PANK1: variants seen among roughly 807,000 people sequenced by gnomAD.
PANK1 encodes pantothenic acid kinase 1.
In PANK1, 18 loss-of-function variants were observed where a neutral mutation model predicts 40.1. The ratio of observed to expected loss-of-function variants is 0.45; its 90% CI spans 0.31 to 0.67. The LOEUF (loss-of-function observed/expected upper bound fraction) is 0.67. Among genes scored for constraint, PANK1 ranks in the 30% least tolerant of loss-of-function variants. The probability of loss-of-function intolerance (pLI) is 0.06; values close to 1 mark genes in which losing one functional copy is unlikely to be tolerated. For synonymous variants in PANK1, 242 were observed against 237.7 expected (o/e 1.02, Z -0.17); for missense variants, 457 against 599.6 (o/e 0.76, Z 2.48).
chr10:89,582,930 A>G (rs1465264960), downstream of PANK1: 1 of 152,224 alleles, frequency 6.6e-6, no homozygotes, highest in East Asian at 1.9e-4. Flanking sequence ...TCATGGTACA[A>G]AGCAGATACT....
chr10:89,599,639 T>C (rs1844715612), intron 2 of PANK1, 134 bp from the exon 3 acceptor site: 1 of 863,078 alleles, frequency 1.2e-6, no homozygotes. Context: ...AGTTGTAAAA[T>C]CTTGCAGATA....
chr10:89,643,866 TA>T lies in PANK1; in HGVS notation c.292+733del, dbSNP rs1314783489. On this transcript the variant is annotated intron_variant, in intron 1 of 6. Coordinates refer to ENST00000307534, the MANE Select transcript of PANK1 (RefSeq NM_148977.3). ...AAACTACCATTATATATACAAGCTT[TA>T]GATTGTGAAATAATGCACTTCGGCT... 2.0e-6 allele frequency: 3 copies of T among 1,468,306 alleles called. No individual in the cohort carries two copies. The African/African-American group carries it at 4.2e-5, about 21-fold the overall frequency. 91.0% of individuals were successfully genotyped at this position (1,468,306 alleles called of 1,614,324 possible).
At chr10:89,638,237 C>T (rs569440562) in intron 1 of PANK1, among the ~76,000 whole-genome samples, 1 of 152,222 alleles carries the variant, frequency 6.6e-6, no homozygotes, top group East Asian at 1.9e-4. Flanking sequence ...ATAGGACTAC[C>T]TTTGTATATG....
chr10:89,598,000 T>C (rs181791272), intron 3 of PANK1, among the ~76,000 whole-genome samples: 1 of 152,288 alleles, frequency 6.6e-6, no homozygotes, highest in East Asian at 1.9e-4. Context: ...TTAGAATGTG[T>C]GTGTGTGTTT....
intron 3 of PANK1, among the ~76,000 whole-genome samples, chr10:89,595,216 T>C (rs1468113515): frequency 1.3e-5 from 2 of 151,838 alleles, no homozygotes; most frequent in African/African-American, 4.8e-5. Context: ...TTTGGGAGGC[T>C]GAGACAGGCA....
chr10:89,635,483 C>T (rs1841776260), intron 1 of PANK1, among the ~76,000 whole-genome samples: 1 of 152,108 alleles, frequency 6.6e-6, no homozygotes, highest in African/African-American at 2.4e-5. Flanking sequence ...TAAATGCCTC[C>T]CATTAGGCCT....
Position 89,584,450 on chromosome 10 carries a change from C to G in PANK1, c.1342G>C (p.Val448Leu), listed in dbSNP as rs754606046. ...TTGAACAGTTCCAACAGTGCCCCAACGGCTCCAAAATAACCCTACGAAAAC... is the reference window on the plus strand; with the variant it reads ...TTGAACAGTTCCAACAGTGCCCCAAGGGCTCCAAAATAACCCTACGAAAAC... ...FLEHEGYFGA[V>L]GALLELFKMT... is the part of the protein sequence containing the mutation. Residue 448 changes from valine (V) to leucine (L), a missense_variant, in exon 7 of 7, where the codon GTT (valine) becomes CTT (leucine). This residue lies in a region of PANK1 where 22 missense variants were observed against 24.6 expected (regional missense o/e 0.89). Transcript: ENST00000307534. 1 of 1,607,258 alleles carries G rather than the reference C, an allele frequency of 6.2e-7. No individual in the cohort carries two copies. The highest frequency in any genetic ancestry group is 1.1e-5 in the South Asian group (1 of 90,880).
intron 1 of PANK1, among the ~76,000 whole-genome samples, chr10:89,637,018 C>T (rs113965940): frequency 0.042 from 6,368 of 150,930 alleles, 392 homozygotes; most frequent in African/African-American, 0.14. Flanking sequence ...CCCGCCACCA[C>T]GCCTGGCTAT....
chr10:89,643,180 A>G (rs1842015533), intron 1 of PANK1, among the ~76,000 whole-genome samples: 1 of 152,236 alleles, frequency 6.6e-6, no homozygotes, highest in South Asian at 2.1e-4. Context: ...TGCAAACTCT[A>G]GTACAATCTG....
intron 2 of PANK1, among the ~76,000 whole-genome samples, chr10:89,605,475 A>C (rs1844935378): frequency 6.6e-6 from 1 of 152,202 alleles, no homozygotes; most frequent in Admixed American, 6.5e-5. Flanking sequence ...CCAGAAGGAG[A>C]TTCCATCTCA....
At chr10:89,633,132 G>GGT (rs1841700418) in intron 1 of PANK1, among the ~76,000 whole-genome samples, 1 of 145,494 alleles carries the variant, frequency 6.9e-6, no homozygotes, top group Non-Finnish European at 1.6e-5. Flanking sequence ...CAGTTTCCAC[G>GGT]GTGTATATAT....
At chr10:89,627,603 G>A (rs1412838516) in intron 1 of PANK1, among the ~76,000 whole-genome samples, 1 of 152,186 alleles carries the variant, frequency 6.6e-6, no homozygotes, top group Non-Finnish European at 1.5e-5. Context: ...AGCCCCCTTG[G>A]CACTTAAATT....
At chr10:89,599,170 T>C (rs1189602896) in intron 3 of PANK1, 82 bp downstream of exon 3, 11 of 1,292,676 alleles carry the variant, frequency 8.5e-6, no homozygotes, top group East Asian at 2.3e-5. Context: ...TTTAAAAATG[T>C]ATTCAATATA....
intron 1 of PANK1, among the ~76,000 whole-genome samples, chr10:89,636,939 G>A (rs894593499): frequency 6.7e-6 from 1 of 150,360 alleles, no homozygotes; most frequent in Non-Finnish European, 1.5e-5. Flanking sequence ...TCGACTCACT[G>A]CAAGCTCCGC....
chr10:89,613,288 CA>C (rs1475010508), intron 1 of PANK1, among the ~76,000 whole-genome samples: 1 of 152,086 alleles, frequency 6.6e-6, no homozygotes, highest in Admixed American at 6.5e-5. Flanking sequence ...ACTCAGGGTG[CA>C]AAAATGGCTT....
chr10:89,590,848 T>C (rs977897869), intron 5 of PANK1, among the ~76,000 whole-genome samples: 2 of 152,158 alleles, frequency 1.3e-5, no homozygotes, highest in South Asian at 4.1e-4. Context: ...ATAGGGTAGA[T>C]TGATATAATA....
rs74146990 is a variant in PANK1, at chr10:89,617,595, T to C, written c.293-5547A>G. Among the ~76,000 whole-genome samples the C allele has an allele frequency of 7.4e-3, 1,121 of 152,340 alleles. 15 individuals carry two copies. Among genetic ancestry groups the C allele is most frequent in the African/African-American group, 0.026 (1,076 of 41,574 alleles). On this transcript the variant is annotated intron_variant, in intron 1 of 6. Transcript: ENST00000307534. ...AATAGAATGGCTACCACACCCACTG[T>C]TAACACTCTGAAAGGGTTAAGATGT...
intron 3 of PANK1, among the ~76,000 whole-genome samples, chr10:89,595,878 T>A (rs1844583842): frequency 2.2e-5 from 2 of 90,394 alleles, no homozygotes; most frequent in Non-Finnish European, 4.5e-5. Flanking sequence ...ATATATAACT[T>A]CATTTACTAA....
downstream of PANK1, chr10:89,580,389 G>C (rs1005723843): frequency 6.6e-6 from 1 of 152,132 alleles, no homozygotes; most frequent in African/African-American, 2.4e-5. Context: ...CAGTGACTAC[G>C]GAAAAGTCCG....
Sources: allele counts gnomAD v4.1 joint callset (sites outside exome capture counted in the v4.1 genomes callset), GRCh38; gene constraint gnomAD v4.1.1; regional missense constraint gnomAD v4.1.1; transcripts MANE v1.5; gene names NCBI Gene and HGNC (gene_info 2026-07-23, HGNC 2026-07-21).